The following TNRC6A variants were observed in gnomAD, a reference collection of about 807,000 sequenced individuals.
The protein encoded by TNRC6A is trinucleotide repeat containing adaptor 6A.
TNRC6A carries 44 observed loss-of-function variants against 221.2 expected under a neutral mutation model. That is an observed-to-expected ratio of 0.20 (90% CI 0.16 to 0.26). The LOEUF (loss-of-function observed/expected upper bound fraction) is 0.26. Among genes scored for constraint, TNRC6A ranks in the 10% least tolerant of loss-of-function variants. TNRC6A has a pLI of 1.00. For synonymous variants in TNRC6A, 847 were observed against 838.5 expected, an observed-to-expected ratio of 1.01 and a Z score of -0.18; for missense variants, 2,199 against 2,404.4, an observed-to-expected ratio of 0.91 and a Z score of 1.79.
In TNRC6A at chr16:24,823,613, C is replaced by A; in HGVS notation, c.5695C>A (p.His1899Asn). 2 of 1,614,112 alleles carry A rather than the reference C, an allele frequency of 1.2e-6. No homozygotes were observed. Among genetic ancestry groups the A allele is most frequent in the South Asian group, 2.2e-5 (2 of 91,052 alleles). Residue 1899 changes from histidine (H) to asparagine (N), a missense_variant, in exon 25 of 25, where the codon CAC (histidine) becomes AAC (asparagine). Physicochemically the swap from His to Asn is moderately conservative, Grantham distance 68 (BLOSUM62 1). Transcript: ENST00000395799. The surrounding 1 kb of genome is among the most constrained non-coding windows in gnomAD (Gnocchi z 4.3). ...ATTCTCCAGCCGGACCGATCTCAATCACTGGAATGGTGCTGGGCTGTCGGG... is the reference window on the plus strand; with the variant it reads ...ATTCTCCAGCCGGACCGATCTCAATAACTGGAATGGTGCTGGGCTGTCGGG... The part of the protein sequence containing the change: ...HSFSSRTDLN[H>N]WNGAGLSGTN...
In TNRC6A at chr16:24,790,371, G is replaced by A. The variant is rs763482801; in HGVS notation, c.1729G>A (p.Gly577Ser). 2 of 1,614,208 alleles carry A rather than the reference G, an allele frequency of 1.2e-6. No homozygotes were observed. The highest frequency in any genetic ancestry group is 1.7e-5 in the Admixed American group (1 of 60,028). Reference protein sequence around the residue: ...TNKGGGVWESGAANSQSTSWG... With the variant: ...TNKGGGVWESSAANSQSTSWG... ...CAAAGGAGGTGGTGTGTGGGAATCT[G>A]GTGCAGCAAACTCCCAGAGTACATC... Residue 577 changes from glycine to serine, a missense_variant, in exon 6 of 25, where the codon GGT (glycine) becomes AGT (serine). Physicochemically the swap from Gly to Ser is moderately conservative, Grantham distance 56 (BLOSUM62 0). Coordinates refer to ENST00000395799, the MANE Select transcript of TNRC6A (RefSeq NM_014494.4).
chr16:24,814,401 T>TTTTTTTTTC (rs1555510311), intron 18 of TNRC6A, among the ~76,000 whole-genome samples: 26 of 125,608 alleles, frequency 2.1e-4, no homozygotes, highest in Admixed American at 6.8e-4. Flanking sequence ...TTCTTTTCTT[T>TTTTTTTTTC]TTTTTTTCTT....
chr16:24,641,273 C>T (rs913517251), intron 2 of TNRC6A, among the ~76,000 whole-genome samples: 3 of 152,138 alleles, frequency 2.0e-5, no homozygotes, highest in Non-Finnish European at 4.4e-5. Flanking sequence ...CTCTAAACAG[C>T]TTGGTGGTGA....
chr16:24,784,874 T>C (rs1286034979), intron 5 of TNRC6A, among the ~76,000 whole-genome samples: 3 of 152,208 alleles, frequency 2.0e-5, no homozygotes, highest in Admixed American at 6.5e-5. Context: ...GGCGTTTGCT[T>C]TTTTGCTTTG....
chr16:24,819,353 T>C (rs1567523389), intron 21 of TNRC6A, among the ~76,000 whole-genome samples: 1 of 152,198 alleles, frequency 6.6e-6, no homozygotes. Context: ...ACTGTGTACC[T>C]GGTCCCTGCA....
chr16:24,729,771 C>T lies in TNRC6A; in HGVS notation c.-71C>T. ...GTGCAGCGGCTCGGGCCTCTCCCCG[C>T]GGCGCTGCGGAGGGCTTGAGGCTCG... On this transcript the variant is annotated 5_prime_UTR_variant, in exon 1 of 25. Coordinates refer to ENST00000395799, the MANE Select transcript of TNRC6A (RefSeq NM_014494.4). 1.5e-6 allele frequency: 2 copies of T among 1,370,452 alleles called. No homozygotes were observed. The highest frequency in any genetic ancestry group is 9.4e-7 in the Non-Finnish European group (1 of 1,059,008). 84.9% of individuals were successfully genotyped at this position (1,370,452 alleles called of 1,614,324 possible). A position where few individuals can be genotyped will look rare whatever the true frequency, so the allele number is the denominator to read the frequency against.
At chr16:24,688,130 G>A (rs976514231) in intron 2 of TNRC6A, among the ~76,000 whole-genome samples, 4 of 150,376 alleles carry the variant, frequency 2.7e-5, no homozygotes, top group African/African-American at 9.8e-5. Context: ...TAGTAGAGAC[G>A]GGGTTTTACC....
At chr16:24,816,761 A>G in intron 19 of TNRC6A, 55 bp from the exon 20 acceptor site, 3 of 1,562,652 alleles carry the variant, frequency 1.9e-6, no homozygotes, top group East Asian at 4.5e-5. Context: ...ATATTTATTA[A>G]TGGATTTTAA....
chr16:24,702,041 C>T (rs1225076402), intron 2 of TNRC6A, among the ~76,000 whole-genome samples: 1 of 151,362 alleles, frequency 6.6e-6, no homozygotes, highest in East Asian at 1.9e-4. Context: ...CTTCTATATG[C>T]AGGGACCATG....
At chr16:24,818,261 C>T (rs1329617017) in intron 20 of TNRC6A, among the ~76,000 whole-genome samples, 4 of 152,032 alleles carry the variant, frequency 2.6e-5, no homozygotes, top group Non-Finnish European at 5.9e-5. Flanking sequence ...CACCAAGACT[C>T]GAACCTCCTT....
At chr16:24,754,425 AT>A (rs2057204639) in intron 3 of TNRC6A, among the ~76,000 whole-genome samples, 1 of 152,142 alleles carries the variant, frequency 6.6e-6, no homozygotes, top group South Asian at 2.1e-4. Flanking sequence ...TGTTCTTAAA[AT>A]TTTTTGAAAA....
intron 9 of TNRC6A, among the ~76,000 whole-genome samples, chr16:24,797,237 CT>C (rs2058238184): frequency 6.6e-6 from 1 of 152,148 alleles, no homozygotes; most frequent in Non-Finnish European, 1.5e-5. Context: ...TTGCTTCCGT[CT>C]TTTCCTTCTG....
At position 24,823,135 on chromosome 16, in the gene TNRC6A, C is replaced by G. The variant is rs1389380543; in HGVS notation, c.5513+122C>G. 2 of 1,357,762 alleles carry G rather than the reference C, an allele frequency of 1.5e-6. No homozygotes were observed. The highest frequency in any genetic ancestry group is 2.9e-5 in the African/African-American group (2 of 69,372). The allele number at this position is 1,357,762 out of a possible 1,614,324, so 84.1% of individuals were successfully genotyped here. On this transcript the variant is annotated intron_variant, in intron 24 of 24. Transcript: ENST00000395799. This position sits in a 1 kb window ranked among gnomAD's most constrained non-coding sequence, Gnocchi z 4.3. ...GGCTCCTGCTGGCTGCAGTAGTGCC[C>G]TGATTCCAAGGTCGGCATTCCTAAG...
intron 21 of TNRC6A, chr16:24,819,654 A>G (rs2058729218): frequency 5.5e-6 from 1 of 181,604 alleles, no homozygotes; most frequent in African/African-American, 2.4e-5. Context: ...AGCACATGCC[A>G]GGTGCCCAGC....
At chr16:24,767,141 G>T (rs565216863) in intron 4 of TNRC6A, among the ~76,000 whole-genome samples, 1 of 152,038 alleles carries the variant, frequency 6.6e-6, no homozygotes. Context: ...GGACCATATC[G>T]TATATATGAA....
Position 24,790,136 on chromosome 16 carries a change from T to C in TNRC6A, c.1494T>C (p.Gly498=), listed in dbSNP as rs752211033. 3.1e-6 allele frequency: 5 copies of C among 1,614,176 alleles called. No homozygotes were observed. The South Asian group carries it at 5.5e-5, about 18-fold the overall frequency. The change falls in exon 6 of 25, where the codon GGT becomes GGC. Residue 498 remains glycine, a synonymous_variant. Transcript: ENST00000395799. ...MNHPQMQAPS[G]MNGTSLSHLS... is the part of the protein sequence containing the mutation. ...ATCCTCAGATGCAGGCTCCATCAGG[T>C]ATGAATGGCACTTCCCTTTCTCACC...
chr16:24,797,439 A>G, intron 9 of TNRC6A, 51 bp from the exon 10 acceptor site: 1 of 1,371,036 alleles, frequency 7.3e-7, no homozygotes, highest in Middle Eastern at 1.8e-4. Context: ...CACTATACCC[A>G]GATAAACAGA....
chr16:24,707,237 C>G (rs899233283), intron 2 of TNRC6A, among the ~76,000 whole-genome samples: 1 of 152,018 alleles, frequency 6.6e-6, no homozygotes, highest in Non-Finnish European at 1.5e-5. Flanking sequence ...CTCAAGTGAT[C>G]CACCTGCTTT....
intron 2 of TNRC6A, among the ~76,000 whole-genome samples, chr16:24,687,419 TA>T (rs2055648988): frequency 6.6e-6 from 1 of 152,198 alleles, no homozygotes; most frequent in Non-Finnish European, 1.5e-5. Context: ...ACAATTTGGG[TA>T]AGATCCTCTT....
Sources: gnomAD v4.1 joint callset for allele counts (sites outside exome capture counted in the v4.1 genomes callset) on GRCh38, gnomAD v4.1.1 for gene constraint, Gnocchi (gnomAD v3.1) non-coding constraint, MANE v1.5 for transcripts, NCBI Gene and HGNC (gene_info 2026-07-23, HGNC 2026-07-21) for gene names.